LRRC45: variants seen among roughly 807,000 people sequenced by gnomAD.
The protein encoded by LRRC45 is leucine rich repeat containing 45, also known as leucine-rich repeat-containing protein 45.
In LRRC45, 73 loss-of-function variants were observed where a neutral mutation model predicts 85.4. That is an observed-to-expected ratio of 0.85 (90% confidence interval 0.71 to 1.04). The LOEUF is 1.04. Ranked by LOEUF, LRRC45 falls within the 50% of genes least tolerant of loss-of-function variation. The pLI, the probability that LRRC45 is intolerant of heterozygous loss-of-function variation, is 0.00. For missense variants in LRRC45, 937 were observed against 883.3 expected (o/e 1.06, Z -0.77); for synonymous variants, 429 against 386.0 (o/e 1.11, Z -1.31).
chr17:82,027,281 C>T (rs954303238), intron 6 of LRRC45, 105 bp from the exon 7 acceptor site: 12 of 1,425,212 alleles, frequency 8.4e-6, no homozygotes, highest in East Asian at 2.3e-5. Flanking sequence ...TGGAACCCTC[C>T]GCTGCCTTGC....
At chr17:82,025,645 G>T in intron 5 of LRRC45, 138 bp downstream of exon 5, 1 of 1,137,732 alleles carries the variant, frequency 8.8e-7, no homozygotes, top group East Asian at 2.8e-5. Flanking sequence ...AGGAGCGGAG[G>T]GGTCGTGGGG....
Position 82,028,446 on chromosome 17 carries a change from A to G in LRRC45, c.1175A>G (p.Gln392Arg), listed in dbSNP as rs749053099. ...AGGTGTCAGCAGGAGCAGCTGTTCC[A>G]GACCAGGCAGGAGATGACCAGCATG... ...KFRCQQEQLF[Q>R]TRQEMTSMSA... The change falls in exon 11 of 17, where the codon CAG becomes CGG. Residue 392 changes from glutamine (Q) to arginine (R), a missense_variant. Physicochemically the swap from Gln to Arg is conservative, Grantham distance 43. Coordinates refer to ENST00000306688, the MANE Select transcript of LRRC45 (RefSeq NM_144999.4). 2 of 1,612,796 alleles carry G rather than the reference A, an allele frequency of 1.2e-6. No individual in the cohort carries two copies. The highest frequency in any genetic ancestry group is 1.1e-5 in the South Asian group (1 of 91,070).
At position 82,023,638 on chromosome 17, in the gene LRRC45, CG is replaced by C. The variant is rs1386540610; in HGVS notation, c.-3del. 1 of 1,524,132 alleles carries C rather than the reference CG, an allele frequency of 6.6e-7. No individual in the cohort carries two copies. The highest frequency in any genetic ancestry group is 1.2e-5 in the South Asian group (1 of 83,294). The allele number at this position is 1,524,132 out of a possible 1,614,324, so 94.4% of individuals were successfully genotyped here. A position where few individuals can be genotyped will look rare whatever the true frequency, so the allele number is the denominator to read the frequency against. ...TGCGGAGGAGGCCCTGCCGGCCCCGCGGGTCATGGAGGAGTTCCGGCGCTCC... is the reference window on the plus strand; with the variant it reads ...TGCGGAGGAGGCCCTGCCGGCCCCGCGGTCATGGAGGAGTTCCGGCGCTCC... On this transcript the variant is annotated 5_prime_UTR_variant, in exon 1 of 17. Coordinates refer to ENST00000306688, the MANE Select transcript of LRRC45 (RefSeq NM_144999.4).
At chr17:82,029,736 G>A (rs574320211) in intron 14 of LRRC45, 101 bp downstream of exon 14, 3 of 1,203,762 alleles carry the variant, frequency 2.5e-6, no homozygotes, top group African/African-American at 1.5e-5. Context: ...GGAGGCGGGA[G>A]TGTGGTGTTG....
intron 1 of LRRC45, 58 bp downstream of exon 1, chr17:82,023,921 C>G: frequency 1.4e-6 from 2 of 1,468,474 alleles, no homozygotes; most frequent in South Asian, 2.5e-5. Flanking sequence ...ACCATTGCCT[C>G]GGCAGCCCGA....
chr17:82,029,030 C>T (rs190973549), intron 12 of LRRC45, 63 bp from the exon 13 acceptor site: 78 of 1,463,036 alleles, frequency 5.3e-5, no homozygotes, highest in South Asian at 2.8e-4. Context: ...GTGGGGAGTC[C>T]GTGAGGAGAA....
At chr17:82,026,564 T>TTGTGTG (rs550616399) in intron 5 of LRRC45, among the ~76,000 whole-genome samples, 11,289 of 137,396 alleles carry the variant, frequency 0.082, 571 homozygotes, top group Non-Finnish European at 0.1. Flanking sequence ...CACAGCTCCT[T>TTGTGTG]TGTGTGTGTG....
At chr17:82,025,603 GAGAGC>G (rs2043362018) in intron 5 of LRRC45, 96 bp downstream of exon 5, 1 of 1,403,132 alleles carries the variant, frequency 7.1e-7, no homozygotes, top group South Asian at 1.8e-5. Flanking sequence ...AACTGATGAG[GAGAGC>G]AGCCTGAGAG....
intron 16 of LRRC45, 61 bp downstream of exon 16, chr17:82,030,527 G>A (rs2043409661): frequency 9.9e-6 from 15 of 1,513,436 alleles, no homozygotes; most frequent in South Asian, 2.4e-5. Context: ...GCCAGAGAGC[G>A]GGGCTGGCCA....
At chr17:82,027,340 C>G in intron 6 of LRRC45, 46 bp from the exon 7 acceptor site, 1 of 1,607,654 alleles carries the variant, frequency 6.2e-7, no homozygotes, top group South Asian at 1.1e-5. Context: ...GTCAGGTGGA[C>G]AGGCTGCAGG....
chr17:82,029,741 G>T, intron 14 of LRRC45, 106 bp downstream of exon 14: 3 of 1,154,144 alleles, frequency 2.6e-6, no homozygotes, highest in Non-Finnish European at 3.8e-6. Context: ...CGGGAGTGTG[G>T]TGTTGAGGTC....
At chr17:82,027,134 A>G (rs1259973864) in intron 6 of LRRC45, 123 bp downstream of exon 6, 11 of 939,598 alleles carry the variant, frequency 1.2e-5, no homozygotes, top group Non-Finnish European at 1.6e-5. Context: ...AGCCTCTCTG[A>G]GTGGCTGGTA....
At chr17:82,026,576 G>GTGTGTGTGTGTGTT (rs2043369409) in intron 5 of LRRC45, among the ~76,000 whole-genome samples, 1 of 149,832 alleles carries the variant, frequency 6.7e-6, no homozygotes, top group Non-Finnish European at 1.5e-5. Flanking sequence ...GTGTGTGTGT[G>GTGTGTGTGTGTGTT]TGTGTGTGTG....
At position 82,030,716 on chromosome 17, in the gene LRRC45, G is replaced by T; in HGVS notation, c.1924G>T (p.Glu642Ter). The T allele has an allele frequency of 6.7e-7, 1 of 1,498,356 alleles. No homozygotes were observed. Among genetic ancestry groups the T allele is most frequent in the Non-Finnish European group, 9.0e-7 (1 of 1,114,366 alleles). 92.8% of individuals were successfully genotyped at this position (1,498,356 alleles called of 1,614,324 possible). A position where few individuals can be genotyped will look rare whatever the true frequency, so the allele number is the denominator to read the frequency against. Residue 642 changes from glutamate to a stop codon, truncating the protein, a stop_gained, in exon 17 of 17, where the codon GAG becomes TAG. Coordinates refer to ENST00000306688, the MANE Select transcript of LRRC45 (RefSeq NM_144999.4). LOFTEE classifies it high-confidence loss of function. ...GGCGGAGATCGCCCGCATCCGGGAC[G>T]AGGAGGCCCAGAGGGCGAGCTTCCT... ...REAEIARIRD[E>*]EAQRASFLQN...
intron 1 of LRRC45, 166 bp from the exon 2 acceptor site, chr17:82,024,112 G>A (rs965971476): frequency 1.2e-6 from 1 of 832,052 alleles, no homozygotes; most frequent in Non-Finnish European, 1.8e-6. Flanking sequence ...AGGGGCTGCA[G>A]GTGTTTCAAA....
chr17:82,024,967 C>T (rs202008016), intron 3 of LRRC45, 33 bp from the exon 4 acceptor site: 2 of 1,521,648 alleles, frequency 1.3e-6, no homozygotes, highest in African/African-American at 1.4e-5. Context: ...AGGCAGTCCC[C>T]TAGGTGAACA....
chr17:82,029,910 ATCT>A (rs2043402686), intron 14 of LRRC45, among the ~76,000 whole-genome samples, 152 bp from the exon 15 acceptor site: 1 of 152,182 alleles, frequency 6.6e-6, no homozygotes, highest in South Asian at 2.1e-4. Flanking sequence ...CCCAGAGGGC[ATCT>A]GGAGGAGGTG....
chr17:82,027,763 G>T lies in LRRC45; in HGVS notation c.911+12G>T, dbSNP rs745795040. The T allele has an allele frequency of 6.2e-7, 1 of 1,608,848 alleles. No individual in the cohort carries two copies. The highest frequency in any genetic ancestry group is 1.3e-5 in the African/African-American group (1 of 74,890). On this transcript the variant is annotated intron_variant, in intron 8 of 16. Transcript: ENST00000306688. ...GCTCTCAAGGCCAAGTAAGTGGGGG[G>T]TGGCCTCAGGATACTTCAGAGACGT...
rs530380824 is a variant in LRRC45 at position 82,027,688 on chromosome 17, G to C, written c.848G>C (p.Arg283Pro). Residue 283 changes from arginine (R) to proline (P), a missense_variant, in exon 8 of 17, where the codon CGT becomes CCT. Coordinates refer to ENST00000306688, the MANE Select transcript of LRRC45 (RefSeq NM_144999.4). The part of the protein sequence containing the change: ...MAKSSRASAA[R>P]VGQLQEALNE... ...TCTGCCCACAGGGCGTCGGCAGCCC[G>C]TGTAGGGCAGCTTCAGGAAGCCCTG... 1 of 1,610,610 alleles carries C rather than the reference G, an allele frequency of 6.2e-7. No homozygotes were observed. Among genetic ancestry groups the C allele is most frequent in the Non-Finnish European group, 8.5e-7 (1 of 1,179,012 alleles).
Sources: gnomAD v4.1 joint callset for allele counts (sites outside exome capture counted in the v4.1 genomes callset) on GRCh38, gnomAD v4.1.1 for gene constraint, MANE v1.5 for transcripts, NCBI Gene and HGNC (gene_info 2026-07-23, HGNC 2026-07-21) for gene names.